The following PTPRG variants were observed in gnomAD, a reference collection of about 807,000 sequenced individuals.
PTPRG encodes the protein protein tyrosine phosphatase receptor type G, also known as receptor-type tyrosine-protein phosphatase gamma.
Under a neutral mutation model 165.3 loss-of-function variants are expected in PTPRG, and 102 were observed. The observed-to-expected ratio is 0.62, with a 90% CI of 0.53 to 0.73. The LOEUF is 0.73. PTPRG is among the 30% of genes least tolerant of loss of function. PTPRG has a pLI of 0.00. For synonymous variants in PTPRG, 675 were observed against 669.5 expected, an observed-to-expected ratio of 1.01 and a Z score of -0.13; for missense variants, 1,866 against 1,861.4, an observed-to-expected ratio of 1.00 and a Z score of -0.05.
rs1188818418 is a variant in PTPRG at position 62,273,761 on chromosome 3, T to A, written c.3382T>A (p.Ser1128Thr). ...CATTCTTGGAAAGGAGACTGAAGTA[T>A]CTTCAAATCAGCTGCACAGCTATGT... ...EAILGKETEV[S>T]SNQLHSYVNS... is the part of the protein sequence containing the mutation. The change falls in exon 23 of 30, where the codon TCT (serine) becomes ACT (threonine). Residue 1128 changes from serine to threonine, a missense_variant. By Grantham distance (58) the Ser-to-Thr change is moderately conservative (BLOSUM62 1). Around this residue, in one of 3 missense-constraint regions of PTPRG, gnomAD observed 1,452 missense variants for 1,463.0 expected, o/e 0.99. Coordinates refer to ENST00000474889, the MANE Select transcript of PTPRG (RefSeq NM_002841.4). The surrounding 1 kb of genome is among the most constrained non-coding windows in gnomAD (Gnocchi z 4.1). The A allele has an allele frequency of 6.2e-7, 1 of 1,613,614 alleles. No homozygotes were observed. Among genetic ancestry groups the A allele is most frequent in the African/African-American group, 1.3e-5 (1 of 74,912 alleles).
chr3:61,858,574 T>A (rs574971380), intron 2 of PTPRG, among the ~76,000 whole-genome samples: 19 of 152,330 alleles, frequency 1.2e-4, no homozygotes, highest in African/African-American at 4.6e-4. Context: ...GGCATTTTTT[T>A]AAAGCTTTTC....
intron 1 of PTPRG, among the ~76,000 whole-genome samples, chr3:61,617,886 G>A (rs528485936): frequency 1.3e-5 from 2 of 152,148 alleles, no homozygotes; most frequent in Non-Finnish European, 1.5e-5. Context: ...AGCTTGTATC[G>A]TATTTTTCAG....
chr3:61,574,799 G>A (rs935146700), intron 1 of PTPRG, among the ~76,000 whole-genome samples: 1 of 152,194 alleles, frequency 6.6e-6, no homozygotes, highest in African/African-American at 2.4e-5. Context: ...TGGTGGAGAA[G>A]GTGGAAGGGG....
Position 61,562,073 on chromosome 3 carries a change from C to T in PTPRG, c.-215C>T. ...TCTCCGCCGAGAGGATCGTCCCCAG[C>T]GTGGCTCTGCGTTCCCGGTCACTTT... On this transcript the variant is annotated 5_prime_UTR_variant, in exon 1 of 30. Transcript: ENST00000474889. 2 of 577,274 alleles carry T rather than the reference C, an allele frequency of 3.5e-6. No homozygotes were observed. The highest frequency in any genetic ancestry group is 2.9e-5 in the East Asian group (1 of 34,766). 35.8% of individuals were successfully genotyped at this position (577,274 alleles called of 1,614,324 possible).
chr3:61,993,500 T>G lies in PTPRG; in HGVS notation c.370+3696T>G, dbSNP rs755113694. Among the ~76,000 whole-genome samples the G allele has an allele frequency of 2.0e-5, 3 of 152,178 alleles. No individual in the cohort carries two copies. In the South Asian group the frequency reaches 6.2e-4, roughly 32 times the overall value. ...TCCCAAAGTGCTGGGATTACACGCA[T>G]GAGCCTCCGTGCCCGGCCCACTGTA... On this transcript the variant is annotated intron_variant, in intron 3 of 29. Coordinates refer to ENST00000474889, the MANE Select transcript of PTPRG (RefSeq NM_002841.4).
chr3:62,142,319 T>G (rs1004927619), intron 6 of PTPRG, among the ~76,000 whole-genome samples: 1 of 151,998 alleles, frequency 6.6e-6, no homozygotes, highest in African/African-American at 2.4e-5. Context: ...AAAATGAGGA[T>G]GGTGGTGACT....
At chr3:61,711,905 T>G (rs2031576116) in intron 1 of PTPRG, among the ~76,000 whole-genome samples, 1 of 151,574 alleles carries the variant, frequency 6.6e-6, no homozygotes, top group South Asian at 2.1e-4. Flanking sequence ...TTTTTTTTTT[T>G]TTTTTGAGAC....
chr3:61,616,534 C>T (rs1200663555), intron 1 of PTPRG, among the ~76,000 whole-genome samples: 2 of 152,192 alleles, frequency 1.3e-5, no homozygotes, highest in Non-Finnish European at 2.9e-5. Context: ...TGTTGGAATA[C>T]TCTTCCGTGT....
intron 1 of PTPRG, among the ~76,000 whole-genome samples, chr3:61,697,446 A>G (rs369509046): frequency 1.8e-4 from 27 of 152,312 alleles, no homozygotes; most frequent in African/African-American, 6.3e-4. Flanking sequence ...AATAAATGCA[A>G]TGGTCTTAGA....
chr3:62,054,055 G>A (rs566195874), intron 4 of PTPRG, among the ~76,000 whole-genome samples: 6 of 152,224 alleles, frequency 3.9e-5, no homozygotes, highest in South Asian at 4.2e-4. Context: ...GGACCTTCTC[G>A]GTCTTAACCT....
intron 1 of PTPRG, among the ~76,000 whole-genome samples, chr3:61,617,049 C>T (rs1298722162): frequency 3.3e-5 from 5 of 152,072 alleles, no homozygotes; most frequent in Non-Finnish European, 7.4e-5. Context: ...GGTTTGTGTC[C>T]GAGGCTAGCT....
chr3:61,747,392 C>A lies in PTPRG; in HGVS notation c.86-1486C>A, dbSNP rs55656409. On this transcript the variant is annotated intron_variant, in intron 1 of 29. Coordinates refer to ENST00000474889, the MANE Select transcript of PTPRG (RefSeq NM_002841.4). The stretch of plus-strand genomic sequence containing the variant: ...TGTAGAATGGTTTGGATGGAAGGCA[C>A]CTAAACCTACCTTGTACTTGAAAAA... Among the ~76,000 whole-genome samples, 845 of 152,226 alleles carry A rather than the reference C, an allele frequency of 5.6e-3. 7 individuals carry two copies. The highest frequency in any genetic ancestry group is 0.02 in the African/African-American group (818 of 41,542).
At chr3:62,122,670 C>A (rs1703120904) in intron 5 of PTPRG, among the ~76,000 whole-genome samples, 1 of 152,074 alleles carries the variant, frequency 6.6e-6, no homozygotes, top group Admixed American at 6.6e-5. Context: ...TTCTATATCC[C>A]AGAATTGATT....
chr3:61,610,617 A>G (rs1191971978), intron 1 of PTPRG, among the ~76,000 whole-genome samples: 1 of 152,244 alleles, frequency 6.6e-6, no homozygotes, highest in Admixed American at 6.5e-5. Context: ...AGAGCTCAAC[A>G]CTAATGCATA....
At chr3:62,039,251 T>A (rs1332480217) in intron 4 of PTPRG, among the ~76,000 whole-genome samples, 2 of 142,530 alleles carry the variant, frequency 1.4e-5, no homozygotes, top group Admixed American at 6.9e-5. Context: ...TATGGTTTTT[T>A]TTTTTGGTTT....
rs1043117489 is a variant in PTPRG, at chr3:62,127,401, C to G, written c.616-5201C>G. 9.9e-5 allele frequency among the ~76,000 whole-genome samples: 15 copies of G among 152,170 alleles called. 1 individual carries two copies. The highest frequency in any genetic ancestry group is 9.8e-4 in the Admixed American group (15 of 15,284). On this transcript the variant is annotated intron_variant, in intron 5 of 29. Transcript: ENST00000474889. ...TCAAACATCCTGAGAAGTGCTTGCCCTTGTCCTCATACAGCAAATTAGCTT... is the reference window on the plus strand; with the variant it reads ...TCAAACATCCTGAGAAGTGCTTGCCGTTGTCCTCATACAGCAAATTAGCTT...
chr3:62,028,396 G>T (rs1407967153), intron 4 of PTPRG, among the ~76,000 whole-genome samples: 1 of 152,158 alleles, frequency 6.6e-6, no homozygotes, highest in Non-Finnish European at 1.5e-5. Context: ...AAACTGAAAT[G>T]CATGACCAAA....
In PTPRG at chr3:61,845,801, G is replaced by A. The variant is rs1415156241; in HGVS notation, c.190+96819G>A. Among the ~76,000 whole-genome samples, 3 of 152,200 alleles carry A rather than the reference G, an allele frequency of 2.0e-5. No individual in the cohort carries two copies. The East Asian group carries it at 5.8e-4, about 29-fold the overall frequency. On this transcript the variant is annotated intron_variant, in intron 2 of 29. Coordinates refer to ENST00000474889, the MANE Select transcript of PTPRG (RefSeq NM_002841.4). ...ATAAGTTGTACGAAATCAAATGTCAGAGGTTCAGGGAGACAGTTTTGAAAT... is the reference window on the plus strand; with the variant it reads ...ATAAGTTGTACGAAATCAAATGTCAAAGGTTCAGGGAGACAGTTTTGAAAT...
chr3:61,680,642 G>GA (rs143753582), intron 1 of PTPRG, among the ~76,000 whole-genome samples: 61 of 147,306 alleles, frequency 4.1e-4, no homozygotes, highest in African/African-American at 8.9e-4. Flanking sequence ...GATCAAGGGG[G>GA]AAAAAAAAAA....
Sources: allele counts gnomAD v4.1 joint callset (sites outside exome capture counted in the v4.1 genomes callset), GRCh38; gene constraint gnomAD v4.1.1; regional missense constraint gnomAD v4.1.1; non-coding constraint Gnocchi (gnomAD v3.1); transcripts MANE v1.5; gene names NCBI Gene and HGNC (gene_info 2026-07-23, HGNC 2026-07-21).